Variants in ZNF324B observed in about 807,000 individuals in gnomAD.
ZNF324B encodes the protein zinc finger protein 324B.
In ZNF324B, 7 loss-of-function variants were observed where a neutral mutation model predicts 10.6. The observed-to-expected ratio is 0.66, with a 90% CI of 0.38 to 1.24. The LOEUF is 1.24. Among genes scored for constraint, ZNF324B ranks in the 50% most tolerant of loss-of-function variants. The pLI, the probability that ZNF324B is intolerant of heterozygous loss-of-function variation, is 0.02. For missense variants in ZNF324B, 640 were observed against 764.7 expected (o/e 0.84, Z 1.92); for synonymous variants, 316 against 321.0 (o/e 0.98, Z 0.17).
chr19:58,444,534 G>A, the ZNF324B span: 1 of 152,166 alleles, frequency 6.6e-6, no homozygotes, highest in African/African-American at 2.4e-5. Context: ...CCGTGAGACT[G>A]GCTTGTTCCA....
the ZNF324B span, chr19:58,445,999 G>T: frequency 6.4e-6 from 1 of 156,570 alleles, no homozygotes; most frequent in Admixed American, 6.5e-5. Context: ...GCCGGGCATG[G>T]TGGCAGGCAC....
chr19:58,420,894 C>T, the ZNF324B span, among the ~76,000 whole-genome samples: 5 of 151,272 alleles, frequency 3.3e-5, no homozygotes, highest in East Asian at 3.9e-4. Context: ...TTAGTAGAGA[C>T]GGGGTTTCAC....
At chr19:58,438,001 GA>G in the ZNF324B span, among the ~76,000 whole-genome samples, 2 of 152,110 alleles carry the variant, frequency 1.3e-5, no homozygotes. Context: ...TTGGCTTGGG[GA>G]CTCAGCTTAG....
the ZNF324B span, among the ~76,000 whole-genome samples, chr19:58,438,504 C>T: frequency 6.3e-5 from 9 of 142,566 alleles, no homozygotes; most frequent in Admixed American, 1.4e-4. Context: ...GACAGAGTCT[C>T]GCTCTGTCAC....
Position 58,455,745 on chromosome 19 carries a change from G to A in ZNF324B, c.801G>A (p.Val267=). ...FECRACSKVF[V]KSSDLLKHLR... ...GCAGGGCGTGCAGCAAAGTGTTCGT[G>A]AAGAGCTCCGACCTCCTCAAGCACC... The change falls in exon 4 of 4, where the codon GTG becomes GTA. Residue 267 remains valine (V), a synonymous_variant. Coordinates refer to ENST00000336614, the MANE Select transcript of ZNF324B (RefSeq NM_207395.3). This position sits in a 1 kb window ranked among gnomAD's most constrained non-coding sequence, Gnocchi z 7.0. 8.7e-6 allele frequency: 14 copies of A among 1,613,990 alleles called. No individual in the cohort carries two copies. Among genetic ancestry groups the A allele is most frequent in the Non-Finnish European group, 1.0e-5 (12 of 1,179,992 alleles).
chr19:58,450,940 C>T (rs1214094422), upstream of ZNF324B, among the ~76,000 whole-genome samples: 5 of 152,202 alleles, frequency 3.3e-5, no homozygotes, highest in Admixed American at 1.3e-4. Flanking sequence ...AAAGCAAGAA[C>T]TAGATGGTCT....
At chr19:58,426,368 A>G in the ZNF324B span, among the ~76,000 whole-genome samples, 21 of 152,182 alleles carry the variant, frequency 1.4e-4, no homozygotes, top group African/African-American at 4.6e-4. Context: ...CTGTCGGTGT[A>G]AAGGGCTTCA....
chr19:58,456,109 C>T lies in ZNF324B; in HGVS notation c.1165C>T (p.Arg389Cys). Residue 389 changes from arginine (R) to cysteine (C), a missense_variant, in exon 4 of 4, where the codon CGT becomes TGT. Around this residue, in one of 3 missense-constraint regions of ZNF324B, gnomAD observed 238 missense variants for 258.0 expected, o/e 0.92. Coordinates refer to ENST00000336614, the MANE Select transcript of ZNF324B (RefSeq NM_207395.3). This position sits in a 1 kb window ranked among gnomAD's most constrained non-coding sequence, Gnocchi z 4.7. ...CAACTCGCACCTGATCCAGCACGAG[C>T]GTACGCACACAGGCGAGAAGCCCTT... The part of the protein sequence containing the change: ...CRNSHLIQHE[R>C]THTGEKPFVC... The T allele has an allele frequency of 3.1e-6, 5 of 1,613,206 alleles. No homozygotes were observed. The highest frequency in any genetic ancestry group is 4.2e-6 in the Non-Finnish European group (5 of 1,179,938).
chr19:58,430,047 A>G, the ZNF324B span: 1 of 152,244 alleles, frequency 6.6e-6, no homozygotes, highest in South Asian at 2.1e-4. Context: ...ATTAGGTTAC[A>G]AATGACTGAC....
At chr19:58,448,710 G>C (rs1218752225), upstream of ZNF324B, among the ~76,000 whole-genome samples, 2 of 152,168 alleles carry the variant, frequency 1.3e-5, no homozygotes, top group African/African-American at 4.8e-5. Flanking sequence ...CTGGGTGACA[G>C]AGCAAGACTC....
At chr19:58,422,513 C>T in the ZNF324B span, among the ~76,000 whole-genome samples, 2 of 152,064 alleles carry the variant, frequency 1.3e-5, no homozygotes, top group East Asian at 3.9e-4. Context: ...AACCTAGACC[C>T]CACCAAAAAA....
At chr19:58,427,654 CT>C in the ZNF324B span, among the ~76,000 whole-genome samples, 8 of 145,656 alleles carry the variant, frequency 5.5e-5, no homozygotes, top group South Asian at 2.2e-4. Context: ...CGCGCCCAGC[CT>C]TTTTTTTTTC....
At chr19:58,425,377 C>T in the ZNF324B span, among the ~76,000 whole-genome samples, 1 of 152,014 alleles carries the variant, frequency 6.6e-6, no homozygotes, top group Admixed American at 6.6e-5. Flanking sequence ...AGCCATCACG[C>T]CCGACTGAAC....
intron 3 of ZNF324B, chr19:58,454,914 G>A (rs1268722850): frequency 5.3e-5 from 32 of 606,580 alleles, no homozygotes; most frequent in East Asian, 4.7e-4. Context: ...TGGGTGGCAC[G>A]CAGCAGCTGC....
At chr19:58,454,148 T>C in intron 2 of ZNF324B, 80 bp from the exon 3 acceptor site, 2 of 926,622 alleles carry the variant, frequency 2.2e-6, no homozygotes, top group South Asian at 1.4e-5. Flanking sequence ...TCTATTTCCA[T>C]GAAGCCCTGA....
chr19:58,434,154 CG>C, the ZNF324B span: 1 of 1,611,908 alleles, frequency 6.2e-7, no homozygotes, highest in Non-Finnish European at 8.5e-7. Flanking sequence ...TGCATTCATA[CG>C]GTCTTTCTCC....
the ZNF324B span, among the ~76,000 whole-genome samples, chr19:58,427,374 CTTT>C: frequency 9.2e-3 from 390 of 42,368 alleles, 3 homozygotes; most frequent in African/African-American, 0.032. Context: ...TTCTTTCTTT[CTTT>C]CTTTCTTTCT....
At chr19:58,447,045 A>G (rs1179612620), upstream of ZNF324B, among the ~76,000 whole-genome samples, 2 of 151,342 alleles carry the variant, frequency 1.3e-5, no homozygotes, top group Non-Finnish European at 2.9e-5. Context: ...GCATGATCTC[A>G]GCTCACTGCA....
At chr19:58,427,357 T>TCTTTCTTTCTTTCTTTC in the ZNF324B span, among the ~76,000 whole-genome samples, 2 of 65,688 alleles carry the variant, frequency 3.0e-5, no homozygotes, top group East Asian at 1.3e-3. Flanking sequence ...TTCCTTTCTT[T>TCTTTCTTTCTTTCTTTC]CTTTCTTTCT....
Sources: gnomAD v4.1 joint callset for allele counts (sites outside exome capture counted in the v4.1 genomes callset) on GRCh38, gnomAD v4.1.1 for gene constraint, gnomAD v4.1.1 regional missense constraint, Gnocchi (gnomAD v3.1) non-coding constraint, MANE v1.5 for transcripts, NCBI Gene and HGNC (gene_info 2026-07-23, HGNC 2026-07-21) for gene names.